Variants in METTL15 observed in about 807,000 individuals in gnomAD.
The protein encoded by METTL15 is 12S rRNA N(4)-cytidine methyltransferase METTL15.
METTL15 carries 34 observed loss-of-function variants against 38.3 expected under a neutral mutation model. That is an observed-to-expected ratio of 0.89 (90% CI 0.68 to 1.18). The LOEUF is 1.18. Among genes scored for constraint, METTL15 ranks in the 50% most tolerant of loss-of-function variants. METTL15 has a pLI of 0.00. For synonymous variants in METTL15, 162 were observed against 170.9 expected, an observed-to-expected ratio of 0.95 and a Z score of 0.41; for missense variants, 438 against 498.4, an observed-to-expected ratio of 0.88 and a Z score of 1.15.
rs535983638 is a variant in METTL15 at position 28,113,244 on chromosome 11, A to T, written c.-17-74A>T. 18 of 1,004,142 alleles carry T rather than the reference A, an allele frequency of 1.8e-5. No individual in the cohort carries two copies. The East Asian group carries it at 4.5e-4, about 25-fold the overall frequency. The allele number at this position is 1,004,142 out of a possible 1,614,324, so 62.2% of individuals were successfully genotyped here. ...TTTGATGTGCTAAATATTGCATATT[A>T]ATTTGATTTTCCCCAAGTATTAGAA... On this transcript the variant is annotated intron_variant, in intron 2 of 6. Transcript: ENST00000407364.
At chr11:28,140,064 G>T (rs1222551866) in intron 3 of METTL15, among the ~76,000 whole-genome samples, 1 of 152,170 alleles carries the variant, frequency 6.6e-6, no homozygotes, top group African/African-American at 2.4e-5. Flanking sequence ...ATACACCCTA[G>T]CTGGGAGGGA....
chr11:28,290,452 ACT>A (rs918124993), intron 5 of METTL15, 55 bp downstream of exon 5: 81 of 1,514,444 alleles, frequency 5.3e-5, no homozygotes, highest in Non-Finnish European at 6.9e-5. Context: ...TGTCAAAAAC[ACT>A]CTGAATTTAA....
At chr11:28,356,826 A>G (rs1029274629) in intron 4 of METTL15, among the ~76,000 whole-genome samples, 4 of 152,114 alleles carry the variant, frequency 2.6e-5, no homozygotes, top group Non-Finnish European at 5.9e-5. Context: ...TCAAGCCACA[A>G]TTTTTCATTT....
intron 3 of METTL15, among the ~76,000 whole-genome samples, chr11:28,127,266 A>G (rs1433073924): frequency 6.6e-6 from 1 of 152,120 alleles, no homozygotes; most frequent in Admixed American, 6.6e-5. Context: ...GAATGGGCAG[A>G]TTTGAGGGAG....
Position 28,356,908 on chromosome 11 carries a change from C to T in METTL15, c.*258+4750C>T, listed in dbSNP as rs1850095263. Among the ~76,000 whole-genome samples the T allele has an allele frequency of 2.6e-5, 4 of 152,280 alleles. No homozygotes were observed. The South Asian group carries it at 8.3e-4, about 32-fold the overall frequency. On this transcript the variant is annotated intron_variant and NMD_transcript_variant, in intron 4 of 7. Coordinates refer to the METTL15 transcript ENST00000532947. ...TGCTCCTGGGAAGAAGAGGCATTAC[C>T]TGGCTTGGCCCTGGCTGACACAGGC...
chr11:28,448,054 C>T (rs1001972070), intron 6 of METTL15, among the ~76,000 whole-genome samples: 1 of 151,780 alleles, frequency 6.6e-6, no homozygotes, highest in Non-Finnish European at 1.5e-5. Flanking sequence ...GATCTGAGTG[C>T]CCAAATGATA....
intron 6 of METTL15, among the ~76,000 whole-genome samples, chr11:28,452,885 C>T (rs1419621451): frequency 6.6e-6 from 1 of 152,268 alleles, no homozygotes; most frequent in South Asian, 2.1e-4. Flanking sequence ...TGTAGTGGAG[C>T]CTTTTGGTGA....
chr11:28,400,717 A>T (rs1465641108), intron 5 of METTL15, among the ~76,000 whole-genome samples: 1 of 151,904 alleles, frequency 6.6e-6, no homozygotes, highest in Non-Finnish European at 1.5e-5. Flanking sequence ...TCAAAGTTTC[A>T]TCCACTACTG....
intron 3 of METTL15, among the ~76,000 whole-genome samples, chr11:28,196,964 A>C (rs1181116179): frequency 1.3e-5 from 2 of 151,996 alleles, no homozygotes; most frequent in African/African-American, 2.4e-5. Context: ...TTAAAGAGCA[A>C]TACCAAAGTC....
chr11:28,292,454 A>G (rs1359928641), intron 5 of METTL15, among the ~76,000 whole-genome samples: 1 of 151,894 alleles, frequency 6.6e-6, no homozygotes, highest in Non-Finnish European at 1.5e-5. Flanking sequence ...AATCCAGTCT[A>G]TCATTGTTGG....
At chr11:28,239,284 T>C (rs189980832) in intron 4 of METTL15, among the ~76,000 whole-genome samples, 3 of 152,382 alleles carry the variant, frequency 2.0e-5, no homozygotes, top group Admixed American at 2.0e-4. Context: ...CCAGCCCATC[T>C]GTTAAGGGCA....
At chr11:28,477,704 T>G (rs1439460483) in intron 6 of METTL15, among the ~76,000 whole-genome samples, 1 of 152,232 alleles carries the variant, frequency 6.6e-6, no homozygotes, top group Non-Finnish European at 1.5e-5. Flanking sequence ...ATAAGAATGC[T>G]CATTTCATTT....
rs577563359 is a variant in METTL15, at chr11:28,435,420, G to A, written c.*424+11056G>A. 4.3e-4 allele frequency among the ~76,000 whole-genome samples: 66 copies of A among 152,302 alleles called. No homozygotes were observed. The South Asian group carries it at 0.013, about 30-fold the overall frequency. Reference sequence around the variant, plus strand: ...AACTCTGAACTCTTTCTGGGCAGATGCTTTCCATTTACCCTACTCTGGAGA... The same window carrying A: ...AACTCTGAACTCTTTCTGGGCAGATACTTTCCATTTACCCTACTCTGGAGA... On this transcript the variant is annotated intron_variant and NMD_transcript_variant, in intron 6 of 7. Transcript: ENST00000532947.
At chr11:28,244,003 G>A (rs552139504) in intron 4 of METTL15, among the ~76,000 whole-genome samples, 2 of 152,220 alleles carry the variant, frequency 1.3e-5, no homozygotes, top group Admixed American at 6.5e-5. Flanking sequence ...GGGTCAATTG[G>A]CTAGAATTGC....
intron 4 of METTL15, among the ~76,000 whole-genome samples, chr11:28,243,156 T>A (rs1854371538): frequency 6.6e-6 from 1 of 151,938 alleles, no homozygotes. Flanking sequence ...TTTAGATGAT[T>A]TTAAAGATAA....
intron 5 of METTL15, among the ~76,000 whole-genome samples, chr11:28,416,560 T>G (rs1345776607): frequency 6.6e-6 from 1 of 152,232 alleles, no homozygotes; most frequent in Non-Finnish European, 1.5e-5. Context: ...CTCTCTTGCC[T>G]GTATCTAAGA....
At position 28,440,135 on chromosome 11, in the gene METTL15, A is replaced by G. The variant is rs537569645; in HGVS notation, c.*424+15771A>G. The stretch of plus-strand genomic sequence containing the variant: ...AAAGCCATGACTGGGGAACTGATCA[A>G]TGTCATTTTCAGCATATATTTTATT... On this transcript the variant is annotated intron_variant and NMD_transcript_variant, in intron 6 of 7. Transcript: ENST00000532947. Among the ~76,000 whole-genome samples, 16 of 152,234 alleles carry G rather than the reference A, an allele frequency of 1.1e-4. No homozygotes were observed. The South Asian group carries it at 2.9e-3, about 28-fold the overall frequency.
intron 5 of METTL15, among the ~76,000 whole-genome samples, chr11:28,386,721 A>G (rs1396360268): frequency 6.6e-6 from 1 of 152,006 alleles, no homozygotes; most frequent in African/African-American, 2.4e-5. Context: ...CACCTAACAG[A>G]CACATATATA....
chr11:28,211,135 T>C lies in METTL15; in HGVS notation c.344T>C (p.Leu115Pro). The change falls in exon 4 of 7, where the codon CTC becomes CCC. Residue 115 changes from leucine to proline, a missense_variant. Leu to Pro is a moderately conservative substitution (Grantham distance 98). Coordinates refer to ENST00000407364, the MANE Select transcript of METTL15 (RefSeq NM_001113528.2). The stretch of plus-strand genomic sequence containing the variant: ...CTGCAGAAGGAGTCAGATATTGTTC[T>C]CTATGCCTTGGACAGAGACCCAACA... ...AILQKESDIV[L>P]YALDRDPTAY... The C allele has an allele frequency of 2.5e-6, 4 of 1,613,060 alleles. No individual in the cohort carries two copies. The highest frequency in any genetic ancestry group is 3.4e-6 in the Non-Finnish European group (4 of 1,179,296).
Sources: allele counts gnomAD v4.1 joint callset (sites outside exome capture counted in the v4.1 genomes callset), GRCh38; gene constraint gnomAD v4.1.1; transcripts MANE v1.5; gene names NCBI Gene and HGNC (gene_info 2026-07-23, HGNC 2026-07-21).